The following PALM2AKAP2 variants were observed in gnomAD, a reference collection of about 807,000 sequenced individuals.
PALM2AKAP2 encodes the protein PALM2-AKAP2 fusion protein.
In PALM2AKAP2, 37 loss-of-function variants were observed where a neutral mutation model predicts 71.5. The ratio of observed to expected loss-of-function variants is 0.52; its 90% CI spans 0.40 to 0.68. The LOEUF is 0.68. Ranked by LOEUF, PALM2AKAP2 falls within the 30% of genes least tolerant of loss-of-function variation. The pLI is 0.00. For missense variants in PALM2AKAP2, 1,224 were observed against 1,191.8 expected (o/e 1.03, Z -0.40); for synonymous variants, 468 against 478.8 (o/e 0.98, Z 0.29).
intron 2 of PALM2AKAP2, among the ~76,000 whole-genome samples, chr9:109,871,142 A>G (rs1020193763): frequency 6.6e-6 from 1 of 152,232 alleles, no homozygotes; most frequent in African/African-American, 2.4e-5. Flanking sequence ...ATAGAATGCA[A>G]GATAGTAGTT....
At chr9:110,119,873 T>G (rs1835446559) in intron 1 of PALM2AKAP2, among the ~76,000 whole-genome samples, 1 of 152,190 alleles carries the variant, frequency 6.6e-6, no homozygotes, top group African/African-American at 2.4e-5. Flanking sequence ...GAGCCACCAT[T>G]GGTTGAATCA....
chr9:109,757,173 G>A (rs1828976913), intron 1 of PALM2AKAP2, among the ~76,000 whole-genome samples: 1 of 152,040 alleles, frequency 6.6e-6, no homozygotes, highest in Admixed American at 6.6e-5. Context: ...CTACCTCCAT[G>A]AGATTAACTT....
chr9:110,035,291 C>T (rs1006446129), intron 7 of PALM2AKAP2, among the ~76,000 whole-genome samples: 1 of 109,480 alleles, frequency 9.1e-6, no homozygotes, highest in Non-Finnish European at 1.7e-5. Flanking sequence ...ACATATTGTA[C>T]ATATGTATAA....
intron 1 of PALM2AKAP2, among the ~76,000 whole-genome samples, chr9:109,840,612 T>G (rs977485410): frequency 4.6e-5 from 7 of 152,196 alleles, no homozygotes; most frequent in African/African-American, 1.7e-4. Context: ...TTTTGCAATC[T>G]GCTCATCTGA....
intron 6 of PALM2AKAP2, among the ~76,000 whole-genome samples, chr9:109,974,948 C>T (rs958803575): frequency 6.6e-6 from 1 of 152,134 alleles, no homozygotes; most frequent in Admixed American, 6.5e-5. Flanking sequence ...GTCACATCTC[C>T]AGGGAAATGT....
At chr9:110,035,378 ATAT>A (rs1833373076) in intron 7 of PALM2AKAP2, among the ~76,000 whole-genome samples, 3 of 138,268 alleles carry the variant, frequency 2.2e-5, no homozygotes, top group South Asian at 2.1e-4. Flanking sequence ...TTATATACAT[ATAT>A]TATATGTATA....
At chr9:110,151,934 G>A (rs1017940428) in intron 2 of PALM2AKAP2, among the ~76,000 whole-genome samples, 3 of 152,156 alleles carry the variant, frequency 2.0e-5, no homozygotes, top group African/African-American at 7.2e-5. Flanking sequence ...AGTGACCGAT[G>A]TCCTTCAAGA....
In PALM2AKAP2 at chr9:109,872,466, G is replaced by A. The variant is rs146575001; in HGVS notation, c.126+4895G>A. 4.8e-3 allele frequency among the ~76,000 whole-genome samples: 734 copies of A among 152,272 alleles called. 5 individuals carry two copies. Among genetic ancestry groups the A allele is most frequent in the Non-Finnish European group, 7.5e-3 (512 of 68,036 alleles). Reference sequence around the variant, plus strand: ...CTTGGAGACTGTCATATTTACAAAGGTTTGCCTGACAGAGTTGGCCCTGTC... The same window carrying A: ...CTTGGAGACTGTCATATTTACAAAGATTTGCCTGACAGAGTTGGCCCTGTC... On this transcript the variant is annotated intron_variant, in intron 2 of 9. Transcript: ENST00000302798.
At chr9:109,758,871 G>A (rs1334030707) in intron 1 of PALM2AKAP2, among the ~76,000 whole-genome samples, 1 of 152,030 alleles carries the variant, frequency 6.6e-6, no homozygotes, top group Non-Finnish European at 1.5e-5. Flanking sequence ...ATTGACTCAT[G>A]ATAGTTGTAC....
chr9:109,912,266 C>G (rs1830587493), intron 3 of PALM2AKAP2, among the ~76,000 whole-genome samples: 1 of 151,588 alleles, frequency 6.6e-6, no homozygotes, highest in Admixed American at 6.6e-5. Context: ...TTAAAGGGAC[C>G]CTTGTCTTCT....
chr9:109,959,513 C>A (rs1316985992), intron 6 of PALM2AKAP2, among the ~76,000 whole-genome samples: 1 of 151,908 alleles, frequency 6.6e-6, no homozygotes, highest in African/African-American at 2.4e-5. Context: ...GGCATGGTGG[C>A]GGGCGCCTGT....
intron 3 of PALM2AKAP2, among the ~76,000 whole-genome samples, chr9:109,903,572 C>T (rs1263946026): frequency 6.6e-6 from 1 of 152,160 alleles, no homozygotes; most frequent in Non-Finnish European, 1.5e-5. Context: ...TTGAAAACAA[C>T]AAGGGAACAA....
At position 109,968,041 on chromosome 9, in the gene PALM2AKAP2, A is replaced by G. The variant is rs117639063; in HGVS notation, c.496+36013A>G. Among the ~76,000 whole-genome samples, 35 of 152,368 alleles carry G rather than the reference A, an allele frequency of 2.3e-4. 1 individual carries two copies. In the East Asian group the frequency reaches 6.4e-3, roughly 28 times the overall value. On this transcript the variant is annotated intron_variant, in intron 6 of 9. Coordinates refer to the PALM2AKAP2 transcript ENST00000302798. Reference sequence around the variant, plus strand: ...TGCTTGGCACACAAAAGTGACCCAAACAATGTTTGTTTGATGAGGGAATGA... The same window carrying G: ...TGCTTGGCACACAAAAGTGACCCAAGCAATGTTTGTTTGATGAGGGAATGA...
chr9:110,040,812 T>C (rs1301076207), intron 7 of PALM2AKAP2, among the ~76,000 whole-genome samples: 2 of 152,202 alleles, frequency 1.3e-5, no homozygotes, highest in African/African-American at 2.4e-5. Flanking sequence ...GTAAGAGCTG[T>C]CTTCTGGGAC....
At chr9:110,002,180 A>G (rs1251190788) in intron 6 of PALM2AKAP2, among the ~76,000 whole-genome samples, 1 of 152,122 alleles carries the variant, frequency 6.6e-6, no homozygotes, top group Admixed American at 6.5e-5. Context: ...TTATTTTGAG[A>G]TACGTCCCAT....
In PALM2AKAP2 at chr9:110,137,040, G is replaced by A. The variant is rs368590919; in HGVS notation, c.1070G>A (p.Arg357His). 1.4e-5 allele frequency: 23 copies of A among 1,613,930 alleles called. No individual in the cohort carries two copies. In the Admixed American group the frequency reaches 2.3e-4, roughly 16 times the overall value. ...GAGTCGCACAAAAAGTACAAGGAGC[G>A]CAAAGAGAGAAGGGCACAGCAGGAA... The change falls in exon 2 of 4, where the codon CGC (arginine) becomes CAC (histidine). Residue 357 changes from arginine to histidine, a missense_variant. By Grantham distance (29) the Arg-to-His change is conservative. Transcript: ENST00000374525.
intron 3 of PALM2AKAP2, among the ~76,000 whole-genome samples, chr9:109,885,189 T>G (rs1401169892): frequency 6.6e-6 from 1 of 152,194 alleles, no homozygotes; most frequent in African/African-American, 2.4e-5. Flanking sequence ...CATGTTTTTT[T>G]CCAAAATGTT....
At chr9:109,732,505 T>C (rs1828571275) in intron 1 of PALM2AKAP2, among the ~76,000 whole-genome samples, 1 of 152,216 alleles carries the variant, frequency 6.6e-6, no homozygotes, top group Non-Finnish European at 1.5e-5. Flanking sequence ...TGTTTGTTTA[T>C]TAGATTGATG....
intron 6 of PALM2AKAP2, among the ~76,000 whole-genome samples, chr9:109,949,209 G>T (rs1037884722): frequency 6.6e-6 from 1 of 152,194 alleles, no homozygotes. Context: ...AGGGAGACAG[G>T]CCACATGGAG....
Sources: allele counts gnomAD v4.1 joint callset (sites outside exome capture counted in the v4.1 genomes callset), GRCh38; gene constraint gnomAD v4.1.1; transcripts MANE v1.5; gene names NCBI Gene and HGNC (gene_info 2026-07-23, HGNC 2026-07-21).